HNRNPD: variants seen among roughly 807,000 people sequenced by gnomAD.
HNRNPD encodes heterogeneous nuclear ribonucleoprotein D0.
Under a neutral mutation model 47.9 loss-of-function variants are expected in HNRNPD, and 3 were observed. The observed-to-expected ratio is 0.06, with a 90% CI of 0.03 to 0.16. HNRNPD has a LOEUF of 0.16. Ranked by LOEUF, HNRNPD falls within the 10% of genes least tolerant of loss-of-function variation. The probability of loss-of-function intolerance (pLI) is 1.00; values close to 1 mark genes in which losing one functional copy is unlikely to be tolerated. For synonymous variants in HNRNPD, 171 were observed against 165.1 expected, an observed-to-expected ratio of 1.04 and a Z score of -0.28; for missense variants, 287 against 454.2, an observed-to-expected ratio of 0.63 and a Z score of 3.35.
intron 2 of HNRNPD, among the ~76,000 whole-genome samples, chr4:82,363,406 T>C (rs1719588980): frequency 6.6e-6 from 1 of 152,190 alleles, no homozygotes. Flanking sequence ...GTATCTTGCT[T>C]TTAAAGCACA....
At chr4:82,361,880 A>G (rs1357945428) in intron 2 of HNRNPD, among the ~76,000 whole-genome samples, 2 of 152,212 alleles carry the variant, frequency 1.3e-5, no homozygotes, top group Admixed American at 1.3e-4. Context: ...CCTTAGAGCT[A>G]CAAGGGTTCA....
chr4:82,372,629 G>A (rs79153084), intron 1 of HNRNPD, among the ~76,000 whole-genome samples: 1 of 152,128 alleles, frequency 6.6e-6, no homozygotes, highest in Non-Finnish European at 1.5e-5. Context: ...AAGGGTGCGC[G>A]GTTAGAATAA....
intron 2 of HNRNPD, among the ~76,000 whole-genome samples, chr4:82,367,020 A>G (rs1719795261): frequency 8.3e-6 from 1 of 121,058 alleles, no homozygotes; most frequent in South Asian, 2.7e-4. Flanking sequence ...CCCCCAACAC[A>G]CTAGCCTTTT....
rs761951278 is a variant in HNRNPD at position 82,371,487 on chromosome 4, T to G, written c.290+41A>C. The G allele has an allele frequency of 4.6e-6, 7 of 1,524,544 alleles. No homozygotes were observed. In the South Asian group the frequency reaches 7.0e-5, roughly 15 times the overall value. The allele number at this position is 1,524,544 out of a possible 1,614,324, so 94.4% of individuals were successfully genotyped here. On this transcript the variant is annotated intron_variant, in intron 2 of 8. Coordinates refer to ENST00000313899, the MANE Select transcript of HNRNPD (RefSeq NM_031370.3). ...CACAGCCTCTACATATTATGACTAC[T>G]GAAACCTTTATAATACAGAAATAAA...
At position 82,353,003 on chromosome 4, in the gene HNRNPD, G is replaced by A. The variant is rs1392789316; in HGVS notation, c.*1182C>T. The A allele has an allele frequency of 1.3e-5, 2 of 152,136 alleles. No individual in the cohort carries two copies. Among genetic ancestry groups the A allele is most frequent in the Non-Finnish European group, 2.9e-5 (2 of 68,020 alleles). The allele number at this position is 152,136 out of a possible 1,614,324, so 9.4% of individuals were successfully genotyped here. On this transcript the variant is annotated 3_prime_UTR_variant, in exon 9 of 9. Coordinates refer to ENST00000313899, the MANE Select transcript of HNRNPD (RefSeq NM_031370.3). ...TGAAGTAACTGACTGCACAGCCTTA[G>A]ATTACCACTCAGGGTGGAACTCTTA... is the stretch of plus-strand genomic sequence containing the variant.
At chr4:82,366,260 G>A (rs1022514518) in intron 2 of HNRNPD, among the ~76,000 whole-genome samples, 5 of 151,862 alleles carry the variant, frequency 3.3e-5, no homozygotes, top group South Asian at 2.1e-4. Context: ...TTTTTTGGGA[G>A]GGGGACAGAG....
chr4:82,360,545 G>GA (rs989238389), intron 2 of HNRNPD, among the ~76,000 whole-genome samples: 4 of 152,040 alleles, frequency 2.6e-5, no homozygotes, highest in African/African-American at 7.2e-5. Context: ...GACAGGACTG[G>GA]AGGTTTTTAA....
intron 1 of HNRNPD, chr4:82,373,243 G>C (rs897686999): frequency 4.0e-5 from 30 of 751,218 alleles, no homozygotes; most frequent in Admixed American, 1.3e-4. Flanking sequence ...GTGTGTGATG[G>C]GGGAGGGGGG....
chr4:82,364,388 A>G (rs1719638875), intron 2 of HNRNPD, among the ~76,000 whole-genome samples: 1 of 152,244 alleles, frequency 6.6e-6, no homozygotes, highest in African/African-American at 2.4e-5. Flanking sequence ...TAACACACTT[A>G]AAGGACACAG....
chr4:82,373,875 G>T lies in HNRNPD; in HGVS notation c.-197C>A. ...TGCCCCCTTCGCCTCCCACTCTCGC[G>T]CGGCGCACACTCCCGCTCTCTCCCG... is the stretch of plus-strand genomic sequence containing the variant. On this transcript the variant is annotated 5_prime_UTR_variant, in exon 1 of 9. Coordinates refer to ENST00000313899, the MANE Select transcript of HNRNPD (RefSeq NM_031370.3). 1 of 1,271,666 alleles carries T rather than the reference G, an allele frequency of 7.9e-7. No homozygotes were observed. The highest frequency in any genetic ancestry group is 1.0e-6 in the Non-Finnish European group (1 of 959,072). The allele number at this position is 1,271,666 out of a possible 1,614,324, so 78.8% of individuals were successfully genotyped here. A position where few individuals can be genotyped will look rare whatever the true frequency, so the allele number is the denominator to read the frequency against.
intron 2 of HNRNPD, among the ~76,000 whole-genome samples, chr4:82,365,981 T>A (rs1302916387): frequency 6.6e-6 from 1 of 151,958 alleles, no homozygotes; most frequent in Non-Finnish European, 1.5e-5. Flanking sequence ...CAAAAAACAC[T>A]TTAGTCAATA....
intron 1 of HNRNPD, chr4:82,373,030 A>C (rs1041063761): frequency 2.4e-6 from 1 of 422,772 alleles, no homozygotes; most frequent in African/African-American, 2.1e-5. Flanking sequence ...TAGTAATACA[A>C]ACAGAGAAGC....
At chr4:82,365,771 A>ATTTTTT (rs80051188) in intron 2 of HNRNPD, among the ~76,000 whole-genome samples, 37 of 106,254 alleles carry the variant, frequency 3.5e-4, no homozygotes, top group African/African-American at 8.6e-4. Flanking sequence ...GGCCCAGCTA[A>ATTTTTT]TTTTTTTTTT....
At chr4:82,364,834 T>C (rs1224275437) in intron 2 of HNRNPD, among the ~76,000 whole-genome samples, 1 of 152,210 alleles carries the variant, frequency 6.6e-6, no homozygotes, top group East Asian at 1.9e-4. Context: ...TGGAAAATGT[T>C]CCGATTTAAT....
intron 1 of HNRNPD, chr4:82,373,183 G>A (rs1228595921): frequency 1.5e-5 from 10 of 668,004 alleles, no homozygotes; most frequent in East Asian, 3.0e-5. Context: ...GGCGAGGGAG[G>A]AAAGGAGGGC....
At chr4:82,368,143 G>GA (rs952356319) in intron 2 of HNRNPD, among the ~76,000 whole-genome samples, 1 of 151,860 alleles carries the variant, frequency 6.6e-6, no homozygotes, top group African/African-American at 2.4e-5. Flanking sequence ...AGTGGAATGG[G>GA]AAAAAAAATT....
chr4:82,364,154 G>C (rs1204885710), intron 2 of HNRNPD, among the ~76,000 whole-genome samples: 1 of 152,006 alleles, frequency 6.6e-6, no homozygotes, highest in Non-Finnish European at 1.5e-5. Context: ...TATTTTTGCA[G>C]AGATCAGGTT....
chr4:82,363,254 C>T (rs981720271), intron 2 of HNRNPD, among the ~76,000 whole-genome samples: 16 of 151,444 alleles, frequency 1.1e-4, no homozygotes, highest in African/African-American at 3.9e-4. Context: ...TTTTTTTTTG[C>T]ACTTTTAGTA....
chr4:82,363,887 G>A (rs1719613471), intron 2 of HNRNPD, among the ~76,000 whole-genome samples: 1 of 152,196 alleles, frequency 6.6e-6, no homozygotes. Context: ...GTATCATTCA[G>A]GAATTTAGGC....
Sources: allele counts gnomAD v4.1 joint callset (sites outside exome capture counted in the v4.1 genomes callset), GRCh38; gene constraint gnomAD v4.1.1; transcripts MANE v1.5; gene names NCBI Gene and HGNC (gene_info 2026-07-23, HGNC 2026-07-21).